RAB11FIP3: variants seen among roughly 807,000 people sequenced by gnomAD.
RAB11FIP3 encodes rab11 family-interacting protein 3.
Under a neutral mutation model 77.8 loss-of-function variants are expected in RAB11FIP3, and 17 were observed. The ratio of observed to expected loss-of-function variants is 0.22; its 90% CI spans 0.15 to 0.33. The LOEUF is 0.33. RAB11FIP3 is among the 10% of genes least tolerant of loss of function. RAB11FIP3 has a pLI of 1.00. For missense variants in RAB11FIP3, 1,005 were observed against 1,011.2 expected, an observed-to-expected ratio of 0.99 and a Z score of 0.08; for synonymous variants, 437 against 448.2, an observed-to-expected ratio of 0.98 and a Z score of 0.31.
chr16:509,618 C>T (rs188840631), intron 8 of RAB11FIP3, among the ~76,000 whole-genome samples: 3 of 151,944 alleles, frequency 2.0e-5, no homozygotes, highest in African/African-American at 7.2e-5. Context: ...CAGGGTCTCC[C>T]TGCCCTGTGG....
chr16:458,699 T>G (rs2055552007), intron 1 of RAB11FIP3, among the ~76,000 whole-genome samples: 1 of 149,776 alleles, frequency 6.7e-6, no homozygotes, highest in Non-Finnish European at 1.5e-5. Context: ...GCCAGCCTGT[T>G]GCCTCTCCCT....
At chr16:431,043 T>G (rs1461421350) in intron 1 of RAB11FIP3, among the ~76,000 whole-genome samples, 1 of 152,156 alleles carries the variant, frequency 6.6e-6, no homozygotes, top group East Asian at 1.9e-4. Flanking sequence ...GCCTTGAATT[T>G]GAGTGAAAGT....
At chr16:484,537 G>C in intron 4 of RAB11FIP3, among the ~76,000 whole-genome samples, 1 of 152,108 alleles carries the variant, frequency 6.6e-6, no homozygotes, top group Non-Finnish European at 1.5e-5. Context: ...TTTTTTAGTA[G>C]AGACGGGGTT....
intron 1 of RAB11FIP3, among the ~76,000 whole-genome samples, chr16:429,833 C>T (rs1029076831): frequency 2.6e-5 from 4 of 152,100 alleles, no homozygotes; most frequent in East Asian, 1.9e-4. Context: ...TCAGAGGTAG[C>T]ATATTGAGTA....
At chr16:427,174 G>A (rs2054962471) in intron 1 of RAB11FIP3, among the ~76,000 whole-genome samples, 1 of 152,248 alleles carries the variant, frequency 6.6e-6, no homozygotes, top group Non-Finnish European at 1.5e-5. Flanking sequence ...GACGCCTTGA[G>A]ATCCTACTGA....
intron 2 of RAB11FIP3, among the ~76,000 whole-genome samples, chr16:469,725 A>G (rs115271810): frequency 3.6e-3 from 543 of 152,222 alleles, no homozygotes; most frequent in African/African-American, 0.012. Flanking sequence ...GATCTTTGCT[A>G]TATTGCCCAG....
At position 502,992 on chromosome 16, in the gene RAB11FIP3, C is replaced by G. The variant is rs772024613; in HGVS notation, c.1302-12C>G. The G allele has an allele frequency of 5.6e-6, 9 of 1,593,886 alleles. No homozygotes were observed. The highest frequency in any genetic ancestry group is 6.9e-6 in the Non-Finnish European group (8 of 1,162,524). ...TCCCTTTCTTCCCTCTGTTGTTGTGCCTTTTCTGTAGGTACCTGCACCAGT... is the reference window on the plus strand; with the variant it reads ...TCCCTTTCTTCCCTCTGTTGTTGTGGCTTTTCTGTAGGTACCTGCACCAGT... On this transcript the variant is annotated splice_polypyrimidine_tract_variant and intron_variant, in intron 6 of 13. Transcript: ENST00000262305.
intron 1 of RAB11FIP3, among the ~76,000 whole-genome samples, chr16:442,500 C>T (rs1210213771): frequency 1.3e-5 from 2 of 152,188 alleles, no homozygotes; most frequent in Admixed American, 1.3e-4. Flanking sequence ...GGTCTCCTTT[C>T]TGGTCTTCCT....
intron 5 of RAB11FIP3, among the ~76,000 whole-genome samples, chr16:491,440 C>T (rs139803959): frequency 6.6e-6 from 1 of 152,144 alleles, no homozygotes; most frequent in East Asian, 1.9e-4. Context: ...CAGGGCCCTG[C>T]CTCCTCCCCT....
rs5815046 is a variant in RAB11FIP3, at chr16:425,980, CT to C, written c.-25del. 1 allele frequency: 947,987 copies of C among 948,400 alleles called. 473,787 individuals carry two copies. The highest frequency in any genetic ancestry group is 1 in the Middle Eastern group (1,872 of 1,872). The allele number at this position is 948,400 out of a possible 1,614,324, so 58.7% of individuals were successfully genotyped here. ...AGCGCCTTTGTCTGCCGCCCGCGCC[CT>C]TCCGCACCACTAGCCTCTCGGGAGC... is the stretch of plus-strand genomic sequence containing the variant. On this transcript the variant is annotated 5_prime_UTR_variant, in exon 1 of 14. An upstream open reading frame in the 5' UTR gains an earlier in-frame stop. Coordinates refer to ENST00000262305, the MANE Select transcript of RAB11FIP3 (RefSeq NM_014700.4).
intron 6 of RAB11FIP3, among the ~76,000 whole-genome samples, chr16:501,817 A>G (rs981273261): frequency 6.8e-6 from 1 of 146,962 alleles, no homozygotes; most frequent in African/African-American, 2.5e-5. Context: ...GGGTCCCCCC[A>G]TTTCACAGAC....
intron 5 of RAB11FIP3, among the ~76,000 whole-genome samples, chr16:496,515 G>T (rs925898177): frequency 6.6e-6 from 1 of 152,244 alleles, no homozygotes; most frequent in African/African-American, 2.4e-5. Context: ...GAAGCATTGG[G>T]ACAGTGCAGC....
intron 1 of RAB11FIP3, among the ~76,000 whole-genome samples, chr16:448,895 A>G (rs563407476): frequency 5.3e-5 from 8 of 151,876 alleles, no homozygotes; most frequent in African/African-American, 1.9e-4. Flanking sequence ...AGCCTGGGCA[A>G]CAAGAGTGAA....
chr16:510,487 G>A, intron 8 of RAB11FIP3, 173 bp from the exon 9 acceptor site: 3 of 700,066 alleles, frequency 4.3e-6, no homozygotes, highest in South Asian at 2.0e-5. Context: ...CCATCTGGGG[G>A]TGTATTCGCT....
At chr16:494,676 G>C (rs1200858070) in intron 5 of RAB11FIP3, among the ~76,000 whole-genome samples, 1 of 152,088 alleles carries the variant, frequency 6.6e-6, no homozygotes, top group Non-Finnish European at 1.5e-5. Context: ...CGAGAAAGGA[G>C]AGCCACACAG....
intron 1 of RAB11FIP3, among the ~76,000 whole-genome samples, chr16:457,202 G>A (rs1179804137): frequency 6.6e-6 from 1 of 152,186 alleles, no homozygotes; most frequent in Non-Finnish European, 1.5e-5. Context: ...CCTGGGAGGA[G>A]TCTCTGGGAT....
chr16:479,837 G>C (rs2055997907), intron 3 of RAB11FIP3, among the ~76,000 whole-genome samples: 1 of 152,086 alleles, frequency 6.6e-6, no homozygotes, highest in Non-Finnish European at 1.5e-5. Flanking sequence ...AGGATCACTT[G>C]AGCCCAGGAG....
chr16:504,976 C>A (rs914594429), intron 7 of RAB11FIP3, among the ~76,000 whole-genome samples: 1 of 136,170 alleles, frequency 7.3e-6, no homozygotes, highest in Non-Finnish European at 1.6e-5. Flanking sequence ...TACTTCACCT[C>A]CTCTTGCATC....
Position 514,916 on chromosome 16 carries a change from G to A in RAB11FIP3, c.1641-4027G>A, listed in dbSNP as rs2032334081. On this transcript the variant is annotated intron_variant, in intron 9 of 13. Coordinates refer to ENST00000262305, the MANE Select transcript of RAB11FIP3 (RefSeq NM_014700.4). This position sits in a 1 kb window ranked among gnomAD's most constrained non-coding sequence, Gnocchi z 4.6. The stretch of plus-strand genomic sequence containing the variant: ...TGGGTGAACGTGGCCCTGGTGTGTG[G>A]TGCTTTCTAGCAGCACGTGAGCCAA... 6.6e-6 allele frequency among the ~76,000 whole-genome samples: 1 copy of A among 152,246 alleles called. No individual in the cohort carries two copies.
Sources: gnomAD v4.1 joint callset for allele counts (sites outside exome capture counted in the v4.1 genomes callset) on GRCh38, gnomAD v4.1.1 for gene constraint, Gnocchi (gnomAD v3.1) non-coding constraint, MANE v1.5 for transcripts, NCBI Gene and HGNC (gene_info 2026-07-23, HGNC 2026-07-21) for gene names.